The following BET1 variants were observed in gnomAD, a reference collection of about 807,000 sequenced individuals.
BET1 encodes Bet1 golgi vesicular membrane trafficking protein.
In BET1, 9 loss-of-function variants were observed where a neutral mutation model predicts 13.9. The observed-to-expected ratio is 0.65, with a 90% confidence interval of 0.39 to 1.13. The LOEUF is 1.13. BET1 is among the 50% of genes most tolerant of loss of function. BET1 has a pLI of 0.01. For synonymous variants in BET1, 39 were observed against 47.3 expected, an observed-to-expected ratio of 0.82 and a Z score of 0.72; for missense variants, 127 against 133.6, an observed-to-expected ratio of 0.95 and a Z score of 0.24.
chr7:93,971,209 C>A (rs529810876), intron 6 of BET1, among the ~76,000 whole-genome samples: 15 of 151,716 alleles, frequency 9.9e-5, no homozygotes, highest in East Asian at 7.8e-4. Flanking sequence ...AAATAGGCAC[C>A]TTTGTTTCCC....
chr7:94,000,152 T>A (rs1166073164), intron 1 of BET1: 3 of 152,302 alleles, frequency 2.0e-5, no homozygotes, highest in Non-Finnish European at 4.4e-5. Context: ...TCGCCCAAGC[T>A]GGAGTGCAGT....
intron 6 of BET1, among the ~76,000 whole-genome samples, chr7:93,967,583 A>G (rs569973023): frequency 3.9e-5 from 6 of 151,944 alleles, no homozygotes; most frequent in Non-Finnish European, 5.9e-5. Context: ...ACCAGATTTT[A>G]TATCTATTTT....
At chr7:93,969,579 A>G (rs1795227164) in intron 6 of BET1, 1 of 151,468 alleles carries the variant, frequency 6.6e-6, no homozygotes, top group Admixed American at 6.6e-5. Context: ...AGAAAGATTC[A>G]TTTATGACCT....
intron 4 of BET1, among the ~76,000 whole-genome samples, chr7:93,983,394 G>T (rs1795461965): frequency 1.3e-5 from 2 of 152,030 alleles, no homozygotes; most frequent in South Asian, 4.2e-4. Flanking sequence ...GACATGAACT[G>T]GTCTCTGATT....
At chr7:93,979,915 G>A (rs1287798437) in intron 4 of BET1, among the ~76,000 whole-genome samples, 6 of 151,546 alleles carry the variant, frequency 4.0e-5, no homozygotes, top group Admixed American at 2.0e-4. Context: ...ACTTGCCATC[G>A]CCCCTCCACC....
intron 5 of BET1, among the ~76,000 whole-genome samples, chr7:93,975,364 G>A (rs1476278116): frequency 6.6e-6 from 1 of 152,022 alleles, no homozygotes; most frequent in Non-Finnish European, 1.5e-5. Flanking sequence ...GAAATAAAAT[G>A]TACTAGAATA....
intron 6 of BET1, among the ~76,000 whole-genome samples, chr7:93,968,700 A>G (rs1191759295): frequency 6.6e-6 from 1 of 151,818 alleles, no homozygotes; most frequent in Non-Finnish European, 1.5e-5. Context: ...TAAAGCCCAC[A>G]TGCTTTTGTC....
intron 6 of BET1, among the ~76,000 whole-genome samples, chr7:93,967,932 T>C (rs967045881): frequency 6.6e-6 from 1 of 151,860 alleles, no homozygotes; most frequent in African/African-American, 2.4e-5. Flanking sequence ...CAGAAACTCA[T>C]TTGACACATT....
chr7:93,999,836 T>C, intron 1 of BET1: 1 of 376,588 alleles, frequency 2.7e-6, no homozygotes, highest in Non-Finnish European at 5.2e-6. Flanking sequence ...CACAATAACT[T>C]ATGCAGAATG....
At chr7:93,972,779 A>G (rs188581221) in intron 5 of BET1, 17 of 151,602 alleles carry the variant, frequency 1.1e-4, no homozygotes, top group Non-Finnish European at 2.1e-4. Flanking sequence ...TTTTCCTATT[A>G]TTTTTGAAAC....
chr7:93,991,791 T>A, downstream of BET1: 1 of 966,322 alleles, frequency 1.0e-6, no homozygotes, highest in Non-Finnish European at 1.2e-6. Flanking sequence ...AAATATTTAG[T>A]CAAAGTTTAT....
chr7:93,968,899 T>C (rs1371382894), intron 6 of BET1, among the ~76,000 whole-genome samples: 1 of 151,860 alleles, frequency 6.6e-6, no homozygotes, highest in African/African-American at 2.4e-5. Context: ...ATGAGTATTA[T>C]ACATATTTTA....
intron 1 of BET1, 143 bp downstream of exon 1, chr7:94,004,055 T>G (rs1169661655): frequency 1.6e-6 from 2 of 1,215,676 alleles, no homozygotes; most frequent in Non-Finnish European, 2.4e-6. Flanking sequence ...GTGTTTCCAC[T>G]CGACATGGAC....
intron 2 of BET1, 87 bp from the exon 3 acceptor site, chr7:93,996,408 C>T (rs1489885802): frequency 1.1e-5 from 11 of 973,094 alleles, no homozygotes; most frequent in African/African-American, 1.7e-5. Flanking sequence ...TAAGCATACA[C>T]ATTTTCTGAA....
Position 93,999,289 on chromosome 7 carries a change from C to A in BET1, c.25G>T (p.Gly9Ter). Residue 9 changes from glycine (G) to a stop codon, truncating the protein, a stop_gained, in exon 2 of 4, where the codon GGA becomes TGA. Transcript: ENST00000222547. LOFTEE classifies it high-confidence loss of function. ...TTCCCATAGTTGCCAGGAGGTACTC[C>A]TTCACCTGCAAGGATCAGAGTCACA... MRRAGLGE[G>*]VPPGNYGNYG... 6.2e-7 allele frequency: 1 copy of A among 1,608,894 alleles called. No individual in the cohort carries two copies. The highest frequency in any genetic ancestry group is 8.5e-7 in the Non-Finnish European group (1 of 1,177,732).
exon 5 of BET1, chr7:93,975,940 T>TAA (rs1795328141): frequency 8.1e-7 from 1 of 1,231,078 alleles, no homozygotes; most frequent in Admixed American, 2.4e-5. Flanking sequence ...TCAGAGTCAT[T>TAA]ATTTTGACAT....
chr7:93,998,193 A>G (rs1453517253), intron 2 of BET1, among the ~76,000 whole-genome samples: 1 of 152,220 alleles, frequency 6.6e-6, no homozygotes, highest in Non-Finnish European at 1.5e-5. Context: ...AGCTAAGGCC[A>G]ATTTTTGAAA....
chr7:93,998,470 G>A lies in BET1; in HGVS notation c.144+700C>T, dbSNP rs558287117. ...TCCCAGCACTTTGGGAGGCCAAGGC[G>A]GGCGGATCACCTGAGATAAAGAGTT... On this transcript the variant is annotated intron_variant, in intron 2 of 3. Coordinates refer to ENST00000222547, the MANE Select transcript of BET1 (RefSeq NM_005868.6). Among the ~76,000 whole-genome samples, 6 of 152,094 alleles carry A rather than the reference G, an allele frequency of 3.9e-5. No homozygotes were observed. The East Asian group carries it at 5.8e-4, about 15-fold the overall frequency.
intron 2 of BET1, 34 bp from the exon 3 acceptor site, chr7:93,996,355 C>T: frequency 7.1e-7 from 1 of 1,413,190 alleles, no homozygotes; most frequent in East Asian, 2.5e-5. Context: ...GGATTACTCA[C>T]ATAAAAGTAT....
Sources: gnomAD v4.1 joint callset for allele counts (sites outside exome capture counted in the v4.1 genomes callset) on GRCh38, gnomAD v4.1.1 for gene constraint, MANE v1.5 for transcripts, NCBI Gene and HGNC (gene_info 2026-07-23, HGNC 2026-07-21) for gene names.